The following ABCC8 variants were observed in gnomAD, a reference collection of about 807,000 sequenced individuals.
ABCC8 encodes ATP-binding cassette sub-family C member 8.
In ABCC8, 137 loss-of-function variants were observed where a neutral mutation model predicts 188.0. The observed-to-expected ratio is 0.73, with a 90% CI of 0.63 to 0.84. The LOEUF (loss-of-function observed/expected upper bound fraction) is 0.84, where lower values mean the gene tolerates loss of function less well. Among genes scored for constraint, ABCC8 ranks in the 40% least tolerant of loss-of-function variants. ABCC8 has a pLI of 0.00. For missense variants in ABCC8, 1,750 were observed against 2,072.7 expected, an observed-to-expected ratio of 0.84 and a Z score of 3.02; for synonymous variants, 797 against 846.5, an observed-to-expected ratio of 0.94 and a Z score of 1.01.
At chr11:17,419,639 A>T (rs879870958) in intron 16 of ABCC8, among the ~76,000 whole-genome samples, 1 of 152,232 alleles carries the variant, frequency 6.6e-6, no homozygotes, top group Non-Finnish European at 1.5e-5. Flanking sequence ...CATAATTTTT[A>T]CAAGAAATTT....
chr11:17,428,685 C>G lies in ABCC8; in HGVS notation c.1818-15G>C, dbSNP rs749496023. The stretch of plus-strand genomic sequence containing the variant: ...GCTTTTGCACGCTGCTCGGGAAGCA[C>G]AGAGACACCCCTCACCCCTGCCAGG... On this transcript the variant is annotated splice_polypyrimidine_tract_variant and intron_variant, in intron 12 of 38. Coordinates refer to ENST00000389817, the MANE Select transcript of ABCC8 (RefSeq NM_000352.6). 6.2e-7 allele frequency: 1 copy of G among 1,610,854 alleles called. No individual in the cohort carries two copies. The highest frequency in any genetic ancestry group is 1.1e-5 in the South Asian group (1 of 91,076).
At chr11:17,457,505 G>T (rs1300871631) in intron 6 of ABCC8, among the ~76,000 whole-genome samples, 1 of 152,186 alleles carries the variant, frequency 6.6e-6, no homozygotes, top group Non-Finnish European at 1.5e-5. Context: ...AGTGCTGGCA[G>T]GTTTCAGACA....
rs1591703934 is a variant in ABCC8 at position 17,393,712 on chromosome 11, A to G, written c.4593T>C (p.Thr1531=). 6.2e-7 allele frequency: 1 copy of G among 1,614,216 alleles called. No individual in the cohort carries two copies. ...KVVMTAFADR[T]VVTIAHRVHT... is the part of the protein sequence containing the mutation. The stretch of plus-strand genomic sequence containing the variant: ...GGCCCCTTACCGCGATGGTGACCAC[A>G]GTGCGGTCTGCGAAGGCTGTCATCA... The change falls in exon 38 of 39, where the codon ACT becomes ACC. Residue 1531 remains threonine, a synonymous_variant. Transcript: ENST00000389817.
intron 11 of ABCC8, 65 bp from the exon 12 acceptor site, chr11:17,431,024 C>A (rs1336608629): frequency 6.3e-7 from 1 of 1,591,480 alleles, no homozygotes; most frequent in African/African-American, 1.3e-5. Flanking sequence ...ACACTGGAAA[C>A]GCTCAGCACT....
intron 35 of ABCC8, 163 bp from the exon 36 acceptor site, chr11:17,395,438 G>C: frequency 6.8e-7 from 1 of 1,480,704 alleles, no homozygotes; most frequent in South Asian, 1.3e-5. Context: ...TAGACCCATG[G>C]GTGGGGGATC....
At position 17,404,835 on chromosome 11, in the gene ABCC8, C is replaced by T. The variant is rs1027797680; in HGVS notation, c.3400-166G>A. ...TGAGTGCAGCAGCGTAATCTCGGTTCACGGCAGCCTCTGCCCCTTGGGTTC... is the reference window on the plus strand; with the variant it reads ...TGAGTGCAGCAGCGTAATCTCGGTTTACGGCAGCCTCTGCCCCTTGGGTTC... On this transcript the variant is annotated intron_variant, in intron 27 of 38. Transcript: ENST00000389817. The surrounding 1 kb of genome is among the most constrained non-coding windows in gnomAD (Gnocchi z 4.7). 3 of 652,746 alleles carry T rather than the reference C, an allele frequency of 4.6e-6. No homozygotes were observed. Among genetic ancestry groups the T allele is most frequent in the Non-Finnish European group, 5.7e-6 (3 of 526,396 alleles). The allele number at this position is 652,746 out of a possible 1,614,324, so 40.4% of individuals were successfully genotyped here. A position where few individuals can be genotyped will look rare whatever the true frequency, so the allele number is the denominator to read the frequency against.
At chr11:17,393,323 T>G (rs762035248) in intron 38 of ABCC8, 195 bp from the exon 39 acceptor site, 1 of 770,532 alleles carries the variant, frequency 1.3e-6, no homozygotes, top group African/African-American at 1.7e-5. Flanking sequence ...ACCACCCTTC[T>G]CTCCTCTCCA....
Position 17,404,548 on chromosome 11 carries a change from C to A in ABCC8, c.3521G>T (p.Cys1174Phe). 1.2e-6 allele frequency: 2 copies of A among 1,614,126 alleles called. No individual in the cohort carries two copies. Among genetic ancestry groups the A allele is most frequent in the Non-Finnish European group, 1.7e-6 (2 of 1,180,010 alleles). Residue 1174 changes from cysteine to phenylalanine, a missense_variant, in exon 28 of 39, where the codon TGC becomes TTC. Transcript: ENST00000389817. The surrounding 1 kb of genome is among the most constrained non-coding windows in gnomAD (Gnocchi z 4.7). ...CCGGAAGTACTTCTGGATGAAGTAG[C>A]ACACGATGGCCAGGGGCAAGAGGGC... ...LVALLPLAIV[C>F]YFIQKYFRVA...
At chr11:17,443,111 G>A (rs1591833861) in intron 9 of ABCC8, 67 bp downstream of exon 9, 1 of 1,579,104 alleles carries the variant, frequency 6.3e-7, no homozygotes, top group East Asian at 2.2e-5. Flanking sequence ...GTGTGTGGGA[G>A]GAGACCTGCT....
intron 36 of ABCC8, 150 bp from the exon 37 acceptor site, chr11:17,394,549 G>T: frequency 2.1e-6 from 3 of 1,407,994 alleles, no homozygotes; most frequent in Non-Finnish European, 2.9e-6. Context: ...GTGCAGGGCT[G>T]GTGCACCTGA....
chr11:17,448,706 T>G, intron 7 of ABCC8, 35 bp from the exon 8 acceptor site: 3 of 1,613,902 alleles, frequency 1.9e-6, no homozygotes, highest in Non-Finnish European at 2.5e-6. Flanking sequence ...ACATTCATCA[T>G]CATTCTCATC....
At chr11:17,460,415 T>C in intron 6 of ABCC8, 73 bp downstream of exon 6, 1 of 1,608,712 alleles carries the variant, frequency 6.2e-7, no homozygotes, top group Non-Finnish European at 8.5e-7. Context: ...TCACACACAT[T>C]GGCCTGTTGC....
chr11:17,402,790 A>G (rs1954313605), intron 28 of ABCC8, 37 bp from the exon 29 acceptor site: 2 of 1,613,192 alleles, frequency 1.2e-6, no homozygotes, highest in Middle Eastern at 1.6e-4. Flanking sequence ...TTAAGAGGGC[A>G]GGCTCAGGGC....
chr11:17,412,069 T>C (rs1954836988), intron 21 of ABCC8, among the ~76,000 whole-genome samples: 1 of 150,244 alleles, frequency 6.7e-6, no homozygotes, highest in Admixed American at 6.6e-5. Flanking sequence ...ATTTTTTGTA[T>C]TTTTAGTAGA....
At chr11:17,403,004 A>T (rs1186369018) in intron 28 of ABCC8, among the ~76,000 whole-genome samples, 1 of 152,210 alleles carries the variant, frequency 6.6e-6, no homozygotes, top group Non-Finnish European at 1.5e-5. Flanking sequence ...TGTCCTGGGC[A>T]TTGTCAACCC....
intron 36 of ABCC8, 79 bp from the exon 37 acceptor site, chr11:17,394,478 G>A: frequency 7.5e-6 from 12 of 1,607,494 alleles, no homozygotes; most frequent in East Asian, 2.2e-5. Flanking sequence ...GGCTTGGGGG[G>A]CTGTTGGAAA....
chr11:17,448,798 G>A lies in ABCC8; in HGVS notation c.1177-127C>T, dbSNP rs1407982823. 25 of 1,492,304 alleles carry A rather than the reference G, an allele frequency of 1.7e-5. No individual in the cohort carries two copies. The South Asian group carries it at 2.9e-4, about 17-fold the overall frequency. 92.4% of individuals were successfully genotyped at this position (1,492,304 alleles called of 1,614,324 possible). On this transcript the variant is annotated intron_variant, in intron 7 of 38. Coordinates refer to ENST00000389817, the MANE Select transcript of ABCC8 (RefSeq NM_000352.6). ...CCCCATGGTGCCCTAGAGCAGCTCT[G>A]TAAGGTGGTACTGTATCACCGTTCC...
chr11:17,415,081 G>GAAAA (rs1955003892), intron 18 of ABCC8, among the ~76,000 whole-genome samples: 1 of 43,192 alleles, frequency 2.3e-5, no homozygotes, highest in Non-Finnish European at 4.7e-5. Context: ...AAAAGAAAAA[G>GAAAA]AGATCCCAGA....
chr11:17,473,027 T>C (rs1848564652), intron 2 of ABCC8, among the ~76,000 whole-genome samples: 1 of 152,200 alleles, frequency 6.6e-6, no homozygotes, highest in Non-Finnish European at 1.5e-5. Context: ...CACCTTATAC[T>C]TTCTCACACA....
Sources: gnomAD v4.1 joint callset for allele counts (sites outside exome capture counted in the v4.1 genomes callset) on GRCh38, gnomAD v4.1.1 for gene constraint, Gnocchi (gnomAD v3.1) non-coding constraint, MANE v1.5 for transcripts, NCBI Gene and HGNC (gene_info 2026-07-23, HGNC 2026-07-21) for gene names.